Variants in CNTLN observed in about 807,000 individuals in gnomAD.
CNTLN encodes centlein, centrosomal protein.
Under a neutral mutation model 180.0 loss-of-function variants are expected in CNTLN, and 212 were observed. The observed-to-expected ratio is 1.18, with a 90% CI of 1.05 to 1.32. CNTLN has a LOEUF of 1.32. CNTLN is among the 40% of genes most tolerant of loss of function. The pLI is 0.00. For synonymous variants in CNTLN, 722 were observed against 563.1 expected, an observed-to-expected ratio of 1.28 and a Z score of -3.99; for missense variants, 2,095 against 1,610.9, an observed-to-expected ratio of 1.30 and a Z score of -5.14.
chr9:17,159,548 C>G (rs1819533528), intron 2 of CNTLN, among the ~76,000 whole-genome samples: 1 of 152,142 alleles, frequency 6.6e-6, no homozygotes. Context: ...TGGAGCTGGA[C>G]AGAAGAAAGG....
intron 7 of CNTLN, among the ~76,000 whole-genome samples, chr9:17,308,260 T>C (rs1206256570): frequency 6.6e-6 from 1 of 152,160 alleles, no homozygotes; most frequent in African/African-American, 2.4e-5. Context: ...CATATTGCCT[T>C]GACTTAAAAA....
intron 13 of CNTLN, among the ~76,000 whole-genome samples, chr9:17,378,905 T>C (rs1164547941): frequency 2.0e-5 from 3 of 152,206 alleles, no homozygotes; most frequent in Admixed American, 1.3e-4. Flanking sequence ...TGTTATCTTC[T>C]TTCTGCCTGA....
chr9:17,522,185 G>C, the CNTLN span, among the ~76,000 whole-genome samples: 1 of 152,138 alleles, frequency 6.6e-6, no homozygotes, highest in Non-Finnish European at 1.5e-5. Flanking sequence ...ATAATACATG[G>C]ACGTGGCTAG....
At chr9:17,465,326 C>T (rs982122749) in intron 21 of CNTLN, among the ~76,000 whole-genome samples, 1 of 150,512 alleles carries the variant, frequency 6.6e-6, no homozygotes, top group Non-Finnish European at 1.5e-5. Context: ...TTTTCTTTCT[C>T]TTCTCTTCCA....
chr9:17,470,858 A>C (rs1389475113), intron 23 of CNTLN, among the ~76,000 whole-genome samples: 1 of 152,042 alleles, frequency 6.6e-6, no homozygotes, highest in Non-Finnish European at 1.5e-5. Context: ...TTGCTTTGGT[A>C]AGATTTAGTA....
intron 5 of CNTLN, among the ~76,000 whole-genome samples, chr9:17,266,494 C>G (rs1249444475): frequency 1.3e-5 from 2 of 152,084 alleles, no homozygotes; most frequent in Non-Finnish European, 2.9e-5. Flanking sequence ...TGGTGTGCTG[C>G]TGAATAAAAT....
chr9:17,505,422 A>G (rs968511496), downstream of CNTLN, among the ~76,000 whole-genome samples: 6 of 152,172 alleles, frequency 3.9e-5, no homozygotes, highest in African/African-American at 7.2e-5. Flanking sequence ...TACAGAATTA[A>G]TGAGTCCAGC....
chr9:17,473,637 T>G (rs1832161037), intron 23 of CNTLN, among the ~76,000 whole-genome samples: 1 of 151,970 alleles, frequency 6.6e-6, no homozygotes, highest in African/African-American at 2.4e-5. Flanking sequence ...CATTTGACTC[T>G]GTATCTCCTC....
intron 23 of CNTLN, among the ~76,000 whole-genome samples, chr9:17,478,159 C>CA (rs1174354123): frequency 6.6e-6 from 1 of 152,202 alleles, no homozygotes; most frequent in Non-Finnish European, 1.5e-5. Context: ...ATTTCTTAGA[C>CA]ATAATGCTAT....
At chr9:17,299,381 TAG>T (rs936251869) in intron 7 of CNTLN, 1 of 859,902 alleles carries the variant, frequency 1.2e-6, no homozygotes, top group South Asian at 5.4e-5. Flanking sequence ...AAGTGAGGCT[TAG>T]AGAGGTTAAA....
At chr9:17,146,776 A>T (rs773797660) in intron 2 of CNTLN, among the ~76,000 whole-genome samples, 1 of 152,170 alleles carries the variant, frequency 6.6e-6, no homozygotes, top group Non-Finnish European at 1.5e-5. Context: ...TTTAGAAATC[A>T]AATTATTACT....
At chr9:17,359,471 T>C (rs1388374432) in intron 12 of CNTLN, among the ~76,000 whole-genome samples, 1 of 151,932 alleles carries the variant, frequency 6.6e-6, no homozygotes, top group Non-Finnish European at 1.5e-5. Flanking sequence ...TTTCAGTATA[T>C]ATGTCCAGGA....
intron 2 of CNTLN, among the ~76,000 whole-genome samples, chr9:17,190,230 T>G (rs79692724): frequency 6.6e-6 from 1 of 150,910 alleles, no homozygotes; most frequent in Admixed American, 6.6e-5. Context: ...CTTTGTTTCC[T>G]GTTGTACAGT....
chr9:17,521,544 A>G, the CNTLN span, among the ~76,000 whole-genome samples: 32 of 152,272 alleles, frequency 2.1e-4, no homozygotes, highest in East Asian at 4.4e-3. Flanking sequence ...CCTAGCTTTT[A>G]GCCATTTTTA....
chr9:17,434,169 T>TC (rs1229129645), intron 18 of CNTLN, among the ~76,000 whole-genome samples: 2 of 152,084 alleles, frequency 1.3e-5, no homozygotes, highest in Non-Finnish European at 2.9e-5. Flanking sequence ...GAAACAACAA[T>TC]TTAGTTGATT....
intron 2 of CNTLN, among the ~76,000 whole-genome samples, chr9:17,215,422 C>G (rs957202188): frequency 2.0e-5 from 3 of 152,214 alleles, no homozygotes. Context: ...AGCTTCATCT[C>G]AGAGGAGTAC....
intron 18 of CNTLN, among the ~76,000 whole-genome samples, chr9:17,420,733 A>G (rs1011454676): frequency 6.6e-5 from 10 of 152,110 alleles, no homozygotes; most frequent in African/African-American, 1.9e-4. Context: ...GCTGTGTTCC[A>G]TAGGTCTTGG....
At chr9:17,172,051 G>A (rs1015271393) in intron 2 of CNTLN, among the ~76,000 whole-genome samples, 1 of 152,238 alleles carries the variant, frequency 6.6e-6, no homozygotes, top group South Asian at 2.1e-4. Context: ...GGGGTTTGGA[G>A]TGCAGGTGAA....
chr9:17,232,443 T>C (rs1277216634), intron 3 of CNTLN, among the ~76,000 whole-genome samples: 1 of 151,874 alleles, frequency 6.6e-6, no homozygotes, highest in Admixed American at 6.6e-5. Flanking sequence ...ATAATTCTCA[T>C]GAAAGGACTC....
Sources: gnomAD v4.1 joint callset for allele counts (sites outside exome capture counted in the v4.1 genomes callset) on GRCh38, gnomAD v4.1.1 for gene constraint, MANE v1.5 for transcripts, NCBI Gene and HGNC (gene_info 2026-07-23, HGNC 2026-07-21) for gene names.